Variants in IL17RD observed in about 807,000 individuals in gnomAD.
The protein encoded by IL17RD is interleukin 17 receptor D.
Under a neutral mutation model 80.5 loss-of-function variants are expected in IL17RD, and 52 were observed. The ratio of observed to expected loss-of-function variants is 0.65; its 90% confidence interval spans 0.52 to 0.81. The LOEUF is 0.81. IL17RD is among the 40% of genes least tolerant of loss of function. The pLI, the probability that IL17RD is intolerant of heterozygous loss-of-function variation, is 0.00. For missense variants in IL17RD, 1,024 were observed against 955.1 expected, an observed-to-expected ratio of 1.07 and a Z score of -0.95; for synonymous variants, 416 against 391.8, an observed-to-expected ratio of 1.06 and a Z score of -0.73.
intron 1 of IL17RD, among the ~76,000 whole-genome samples, chr3:57,121,511 G>T (rs867145602): frequency 8.9e-4 from 136 of 152,222 alleles, no homozygotes; most frequent in African/African-American, 3.1e-3. Context: ...TGAGGAATAA[G>T]TAACAGAAAA....
At chr3:57,124,440 A>T (rs1256983079) in intron 1 of IL17RD, among the ~76,000 whole-genome samples, 1 of 152,170 alleles carries the variant, frequency 6.6e-6, no homozygotes, top group Non-Finnish European at 1.5e-5. Flanking sequence ...GGAAGACAGA[A>T]GGGTCAGAAT....
At position 57,109,659 on chromosome 3, in the gene IL17RD, TAAAAGGG is replaced by T; in HGVS notation, c.430-9_430-3del. ...CAGGAAAGGTTGAGATTCCATTCCCTAAAAGGGAACAAAAACACAGTGACATCATGGA... is the reference window on the plus strand; with the variant it reads ...CAGGAAAGGTTGAGATTCCATTCCCTAACAAAAACACAGTGACATCATGGA... On this transcript the variant is annotated splice_polypyrimidine_tract_variant and splice_region_variant and intron_variant, in intron 4 of 12. Coordinates refer to ENST00000296318, the MANE Select transcript of IL17RD (RefSeq NM_017563.5). 2.5e-6 allele frequency: 4 copies of T among 1,612,168 alleles called. No individual in the cohort carries two copies. The highest frequency in any genetic ancestry group is 3.4e-6 in the Non-Finnish European group (4 of 1,179,296).
intron 1 of IL17RD, among the ~76,000 whole-genome samples, chr3:57,144,719 T>C (rs1180104491): frequency 2.5e-3 from 2 of 786 alleles, no homozygotes; most frequent in African/African-American, 0.018. Context: ...GGACAATCAC[T>C]CAGGATAAGT....
chr3:57,102,441 C>G, intron 10 of IL17RD, 38 bp downstream of exon 10: 1 of 1,210,962 alleles, frequency 8.3e-7, no homozygotes, highest in Non-Finnish European at 1.2e-6. Context: ...CCCTGGCCTG[C>G]CCCTTGTTGT....
intron 1 of IL17RD, among the ~76,000 whole-genome samples, chr3:57,160,476 T>C (rs1040522531): frequency 9.9e-5 from 15 of 152,120 alleles, no homozygotes; most frequent in Non-Finnish European, 1.9e-4. Context: ...CCAGCTGTTC[T>C]AGGGAGGAAC....
intron 2 of IL17RD, among the ~76,000 whole-genome samples, chr3:57,119,671 T>C (rs2318017): frequency 1.7e-4 from 3 of 17,996 alleles, no homozygotes; most frequent in East Asian, 7.8e-4. Context: ...CAGATTCACC[T>C]TGTGTGAATT....
chr3:57,154,312 G>A (rs980587846), intron 1 of IL17RD, among the ~76,000 whole-genome samples: 4 of 133,598 alleles, frequency 3.0e-5, no homozygotes, highest in African/African-American at 6.6e-5. Flanking sequence ...ATACATACAC[G>A]TCATAAATCC....
chr3:57,123,869 C>A (rs1431817866), intron 1 of IL17RD, among the ~76,000 whole-genome samples: 1 of 152,094 alleles, frequency 6.6e-6, no homozygotes, highest in Non-Finnish European at 1.5e-5. Flanking sequence ...CATGGTGAAA[C>A]CCCATCTCTA....
intron 1 of IL17RD, among the ~76,000 whole-genome samples, chr3:57,137,204 T>TC (rs2107522572): frequency 6.6e-6 from 1 of 152,222 alleles, no homozygotes; most frequent in East Asian, 1.9e-4. Context: ...AATAAACACT[T>TC]CCCACATCCC....
chr3:57,097,865 G>T lies in IL17RD; in HGVS notation c.1838C>A (p.Thr613Asn). The change falls in exon 12 of 13, where the codon ACC (threonine) becomes AAC (asparagine). Residue 613 changes from threonine to asparagine, a missense_variant. Physicochemically the swap from Thr to Asn is moderately conservative, Grantham distance 65. Transcript: ENST00000296318. The part of the protein sequence containing the change: ...LKVEAAVLGA[T>N]GPADSQHESQ... Reference sequence around the variant, plus strand: ...CTCGTGCTGGGAGTCGGCTGGTCCGGTTGCCCCAAGAACAGCCGCCTCTAC... The same window carrying T: ...CTCGTGCTGGGAGTCGGCTGGTCCGTTTGCCCCAAGAACAGCCGCCTCTAC... 6.2e-7 allele frequency: 1 copy of T among 1,613,702 alleles called. No individual in the cohort carries two copies. The highest frequency in any genetic ancestry group is 8.5e-7 in the Non-Finnish European group (1 of 1,179,846).
chr3:57,108,968 G>A (rs1423649882), intron 5 of IL17RD, among the ~76,000 whole-genome samples: 4 of 151,618 alleles, frequency 2.6e-5, no homozygotes, highest in Non-Finnish European at 4.4e-5. Flanking sequence ...CTTAGCGGTG[G>A]TCACAGCACC....
Position 57,165,264 on chromosome 3 carries a change from C to T in IL17RD, c.23G>A (p.Cys8Tyr). Residue 8 changes from cysteine (C) to tyrosine (Y), a missense_variant, in exon 1 of 13, where the codon TGC (cysteine) becomes TAC (tyrosine). Cys to Tyr is a radical substitution (Grantham distance 194). Transcript: ENST00000296318. Reference sequence around the variant, plus strand: ...GGCGTTGACCGTAAAGAAGACGGAGCAGAGCTGCAGCCACGGGGCCATGGC... The same window carrying T: ...GGCGTTGACCGTAAAGAAGACGGAGTAGAGCTGCAGCCACGGGGCCATGGC... MAPWLQL[C>Y]SVFFTVNACL... The T allele has an allele frequency of 1.3e-6, 2 of 1,513,086 alleles. No homozygotes were observed. The highest frequency in any genetic ancestry group is 1.8e-6 in the Non-Finnish European group (2 of 1,131,008). The allele number at this position is 1,513,086 out of a possible 1,614,324, so 93.7% of individuals were successfully genotyped here.
In IL17RD at chr3:57,095,144, G is replaced by A. The variant is rs899069631; in HGVS notation, c.*1249C>T. On this transcript the variant is annotated 3_prime_UTR_variant, in exon 13 of 13. Transcript: ENST00000296318. Reference sequence around the variant, plus strand: ...CCCTGGGCTGAATGCTGAGAAAACGGGTGCCAAAATCTAACAGCACCCATG... The same window carrying A: ...CCCTGGGCTGAATGCTGAGAAAACGAGTGCCAAAATCTAACAGCACCCATG... The A allele has an allele frequency of 4.6e-5, 7 of 152,142 alleles. No individual in the cohort carries two copies. Among genetic ancestry groups the A allele is most frequent in the African/African-American group, 1.7e-4 (7 of 41,410 alleles). The allele number at this position is 152,142 out of a possible 1,614,324, so 9.4% of individuals were successfully genotyped here.
At chr3:57,164,260 C>G (rs1406867256) in intron 1 of IL17RD, among the ~76,000 whole-genome samples, 1 of 152,082 alleles carries the variant, frequency 6.6e-6, no homozygotes, top group Non-Finnish European at 1.5e-5. Context: ...CGGTGGGAGA[C>G]TCGGGGCAGA....
At chr3:57,116,386 C>T (rs186794398) in intron 2 of IL17RD, among the ~76,000 whole-genome samples, 1 of 150,186 alleles carries the variant, frequency 6.7e-6, no homozygotes, top group African/African-American at 2.5e-5. Context: ...TGAGTTGAAG[C>T]GATTCTCCTG....
At chr3:57,133,266 C>G (rs950632513) in intron 1 of IL17RD, among the ~76,000 whole-genome samples, 24 of 152,358 alleles carry the variant, frequency 1.6e-4, no homozygotes, top group African/African-American at 5.8e-4. Flanking sequence ...TATTCAAACA[C>G]TAATGATCCC....
Position 57,165,247 on chromosome 3 carries a change from C to A in IL17RD, c.40G>T (p.Val14Phe). 1 of 1,528,224 alleles carries A rather than the reference C, an allele frequency of 6.5e-7. No homozygotes were observed. The highest frequency in any genetic ancestry group is 8.8e-7 in the Non-Finnish European group (1 of 1,137,974). The allele number at this position is 1,528,224 out of a possible 1,614,324, so 94.7% of individuals were successfully genotyped here. A position where few individuals can be genotyped will look rare whatever the true frequency, so the allele number is the denominator to read the frequency against. The part of the protein sequence containing the change: ...WLQLCSVFFT[V>F]NACLNGSQLA... ...TGCGAGCCGTTGAGGCAGGCGTTGA[C>A]CGTAAAGAAGACGGAGCAGAGCTGC... is the stretch of plus-strand genomic sequence containing the variant. The change falls in exon 1 of 13, where the codon GTC becomes TTC. Residue 14 changes from valine (V) to phenylalanine (F), a missense_variant. Coordinates refer to ENST00000296318, the MANE Select transcript of IL17RD (RefSeq NM_017563.5).
intron 1 of IL17RD, among the ~76,000 whole-genome samples, chr3:57,161,966 C>T (rs1249422288): frequency 6.6e-6 from 1 of 152,082 alleles, no homozygotes; most frequent in Admixed American, 6.6e-5. Context: ...AGGAAGTGTG[C>T]CCACAACTCA....
intron 1 of IL17RD, among the ~76,000 whole-genome samples, chr3:57,124,232 T>C (rs1292395839): frequency 6.6e-6 from 1 of 152,180 alleles, no homozygotes; most frequent in Non-Finnish European, 1.5e-5. Context: ...GGTGCACTTC[T>C]ATTTTCCTTA....
Sources: gnomAD v4.1 joint callset for allele counts (sites outside exome capture counted in the v4.1 genomes callset) on GRCh38, gnomAD v4.1.1 for gene constraint, MANE v1.5 for transcripts, NCBI Gene and HGNC (gene_info 2026-07-23, HGNC 2026-07-21) for gene names.